IL1RAPL2: variants seen among roughly 807,000 people sequenced by gnomAD.
The protein encoded by IL1RAPL2 is interleukin 1 receptor accessory protein like 2.
In IL1RAPL2, 3 loss-of-function variants were observed where a neutral mutation model predicts 44.1. The ratio of observed to expected loss-of-function variants is 0.07; its 90% confidence interval spans 0.03 to 0.18. The LOEUF is 0.18. Ranked by LOEUF, IL1RAPL2 falls within the 10% of genes least tolerant of loss-of-function variation. The probability of loss-of-function intolerance (pLI) is 1.00; values close to 1 mark genes in which losing one functional copy is unlikely to be tolerated. For synonymous variants in IL1RAPL2, 181 were observed against 178.8 expected (o/e 1.01, Z -0.10); for missense variants, 391 against 496.4 (o/e 0.79, Z 2.02).
chrX:104,910,077 C>A (rs780909691), intron 2 of IL1RAPL2, among the ~76,000 whole-genome samples: 3 of 112,391 alleles, frequency 2.7e-5, no homozygotes, highest in Non-Finnish European at 3.8e-5. Flanking sequence ...TTAAGCCTGT[C>A]GGAAAAGCGC....
intron 6 of IL1RAPL2, among the ~76,000 whole-genome samples, chrX:105,490,416 C>A (rs773222434): frequency 1.8e-5 from 2 of 111,415 alleles, no homozygotes; most frequent in South Asian, 7.5e-4. Context: ...ACAGGCTATT[C>A]AAATTCATAT....
At chrX:105,151,531 G>A (rs189553432) in intron 2 of IL1RAPL2, among the ~76,000 whole-genome samples, 5 of 108,903 alleles carry the variant, frequency 4.6e-5, no homozygotes, top group East Asian at 2.9e-4. Context: ...TTGTTTTTTC[G>A]TTTTTTTGGT....
chrX:104,669,325 TCTG>T (rs1469254224), intron 2 of IL1RAPL2, among the ~76,000 whole-genome samples: 1 of 111,640 alleles, frequency 9.0e-6, no homozygotes, highest in Non-Finnish European at 1.9e-5. Context: ...ACTCTCTTCT[TCTG>T]CTCTAGTGAC....
intron 4 of IL1RAPL2, among the ~76,000 whole-genome samples, chrX:105,266,404 G>A (rs1421646838): frequency 9.0e-6 from 1 of 111,454 alleles, no homozygotes; most frequent in Non-Finnish European, 1.9e-5. Flanking sequence ...CGCCTTGACT[G>A]ATGTTTGTAC....
chrX:104,603,853 G>A (rs1384228347), intron 1 of IL1RAPL2, among the ~76,000 whole-genome samples: 1 of 112,055 alleles, frequency 8.9e-6, no homozygotes, highest in East Asian at 2.8e-4. Flanking sequence ...AAGTGATGAG[G>A]AGAATGGAAT....
At chrX:104,955,099 T>C (rs1287711718) in intron 2 of IL1RAPL2, among the ~76,000 whole-genome samples, 1 of 112,070 alleles carries the variant, frequency 8.9e-6, no homozygotes, top group East Asian at 2.8e-4. Flanking sequence ...AATGGTAAAC[T>C]GTCATGGTAT....
At chrX:105,763,012 T>TACTA (rs1297047729) in intron 10 of IL1RAPL2, among the ~76,000 whole-genome samples, 2 of 111,557 alleles carry the variant, frequency 1.8e-5, no homozygotes, top group South Asian at 3.7e-4. Context: ...CAGGGACTAC[T>TACTA]ACTAACTATG....
intron 6 of IL1RAPL2, among the ~76,000 whole-genome samples, chrX:105,627,126 C>T (rs980920881): frequency 8.9e-6 from 1 of 111,845 alleles, no homozygotes; most frequent in Non-Finnish European, 1.9e-5. Context: ...GCTTACATGG[C>T]CTTTGGAAAA....
chrX:104,675,014 G>A lies in IL1RAPL2; in HGVS notation c.82+16019G>A, dbSNP rs774940086. ...TTTCTTCTTTATTAGTCTTGCTAGC[G>A]GTCTATCAATTTTGTTGATCCTTTC... On this transcript the variant is annotated intron_variant, in intron 2 of 10. Coordinates refer to ENST00000372582, the MANE Select transcript of IL1RAPL2 (RefSeq NM_017416.2). Among the ~76,000 whole-genome samples, 29 of 110,147 alleles carry A rather than the reference G, an allele frequency of 2.6e-4. No homozygotes were observed. The South Asian group carries it at 2.7e-3, about 10-fold the overall frequency.
intron 5 of IL1RAPL2, among the ~76,000 whole-genome samples, chrX:105,385,464 A>G (rs926946581): frequency 9.0e-6 from 1 of 111,224 alleles, no homozygotes; most frequent in Non-Finnish European, 1.9e-5. Context: ...GTTTGTTGTC[A>G]TAATCACCAG....
At chrX:104,868,827 TAAA>T (rs1245358702) in intron 2 of IL1RAPL2, among the ~76,000 whole-genome samples, 1 of 112,286 alleles carries the variant, frequency 8.9e-6, no homozygotes, top group African/African-American at 3.2e-5. Context: ...TCCATCGTCT[TAAA>T]AAGACTCCAG....
chrX:104,749,797 T>G (rs1602709619), intron 2 of IL1RAPL2, among the ~76,000 whole-genome samples: 1 of 111,997 alleles, frequency 8.9e-6, no homozygotes, highest in South Asian at 3.7e-4. Flanking sequence ...TGGGTGAATA[T>G]ATGTAATAGA....
At chrX:104,753,665 G>T (rs1932299284) in intron 2 of IL1RAPL2, among the ~76,000 whole-genome samples, 1 of 111,476 alleles carries the variant, frequency 9.0e-6, no homozygotes, top group Non-Finnish European at 1.9e-5. Flanking sequence ...TTGACCTAAA[G>T]TCTCCATTAG....
intron 2 of IL1RAPL2, among the ~76,000 whole-genome samples, chrX:104,805,924 G>A (rs1399273221): frequency 9.0e-6 from 1 of 111,441 alleles, no homozygotes; most frequent in Non-Finnish European, 1.9e-5. Flanking sequence ...GAACCTAGAG[G>A]CCTTTGCTCT....
At chrX:104,926,938 G>A (rs183132999) in intron 2 of IL1RAPL2, among the ~76,000 whole-genome samples, 98 of 111,700 alleles carry the variant, frequency 8.8e-4, no homozygotes, top group African/African-American at 2.9e-3. Flanking sequence ...GTACTGGACC[G>A]GGAGTCAGCT....
At chrX:105,751,430 C>T (rs2038596809) in intron 9 of IL1RAPL2, among the ~76,000 whole-genome samples, 1 of 111,450 alleles carries the variant, frequency 9.0e-6, no homozygotes, top group Admixed American at 9.5e-5. Context: ...CACTGATACC[C>T]AATAACCTAG....
At chrX:104,885,109 G>C (rs1391236436) in intron 2 of IL1RAPL2, among the ~76,000 whole-genome samples, 1 of 112,086 alleles carries the variant, frequency 8.9e-6, no homozygotes, top group Non-Finnish European at 1.9e-5. Context: ...CTCACTTGGA[G>C]AGATGTCATG....
At chrX:105,299,461 G>A (rs1200044192) in intron 5 of IL1RAPL2, among the ~76,000 whole-genome samples, 1 of 111,200 alleles carries the variant, frequency 9.0e-6, no homozygotes, top group African/African-American at 3.3e-5. Flanking sequence ...ATCATTGATT[G>A]GTCAAAGAGT....
At chrX:104,644,305 G>C (rs1929992190) in intron 1 of IL1RAPL2, among the ~76,000 whole-genome samples, 1 of 111,410 alleles carries the variant, frequency 9.0e-6, no homozygotes, top group Non-Finnish European at 1.9e-5. Flanking sequence ...AAAAATCCTA[G>C]AATGAACTAC....
Sources: gnomAD v4.1 joint callset for allele counts (sites outside exome capture counted in the v4.1 genomes callset) on GRCh38, gnomAD v4.1.1 for gene constraint, MANE v1.5 for transcripts, NCBI Gene and HGNC (gene_info 2026-07-23, HGNC 2026-07-21) for gene names.